MYOM2: variants seen among roughly 807,000 people sequenced by gnomAD.
MYOM2 encodes the protein myomesin 2, also known as myomesin-2.
MYOM2 carries 254 observed loss-of-function variants against 187.6 expected under a neutral mutation model. That is an observed-to-expected ratio of 1.35 (90% CI 1.22 to 1.50). MYOM2 has a LOEUF of 1.50. Ranked by LOEUF, MYOM2 falls within the 40% of genes most tolerant of loss-of-function variation. MYOM2 has a pLI of 0.00. For synonymous variants in MYOM2, 981 were observed against 753.8 expected (o/e 1.30, Z -4.94); for missense variants, 2,796 against 1,924.0 (o/e 1.45, Z -8.48).
At chr8:2,105,945 C>A (rs911434246) in intron 21 of MYOM2, among the ~76,000 whole-genome samples, 3 of 152,140 alleles carry the variant, frequency 2.0e-5, no homozygotes, top group Admixed American at 6.6e-5. Context: ...AGGAAACTTA[C>A]AGTCATGGCA....
chr8:2,097,701 G>C (rs1439689409), intron 18 of MYOM2, among the ~76,000 whole-genome samples: 1 of 152,130 alleles, frequency 6.6e-6, no homozygotes, highest in Admixed American at 6.5e-5. Context: ...TATTTCAGTA[G>C]AGACAGGGTT....
intron 20 of MYOM2, among the ~76,000 whole-genome samples, 186 bp downstream of exon 20, chr8:2,101,240 C>G (rs1035665772): frequency 6.6e-6 from 1 of 152,332 alleles, no homozygotes; most frequent in African/African-American, 2.4e-5. Flanking sequence ...GTAATCCCAG[C>G]TACTCGGGAA....
intron 28 of MYOM2, among the ~76,000 whole-genome samples, chr8:2,120,675 T>TATATATATATATATA (rs1220891042): frequency 1.4e-4 from 6 of 41,422 alleles, no homozygotes; most frequent in Admixed American, 8.8e-4. Flanking sequence ...TATATATATA[T>TATATATATATATATA]TATATTATAT....
In MYOM2 at chr8:2,117,952, G is replaced by A. The variant is rs757696354; in HGVS notation, c.3453G>A (p.Lys1151=). Residue 1151 remains lysine (K), a splice_region_variant and synonymous_variant, in exon 28 of 37, where the codon AAG becomes AAA. Transcript: ENST00000262113. Reference sequence around the variant, plus strand: ...AATGTGAAGTTCGACTTGTTTGCAAGGTGAGAAACCCGGTTCTAACAGGAA... The same window carrying A: ...AATGTGAAGTTCGACTTGTTTGCAAAGTGAGAAACCCGGTTCTAACAGGAA... ...TEECEVRLVC[K]VANTKKETVF... 8.1e-6 allele frequency: 13 copies of A among 1,612,020 alleles called. 1 individual carries two copies. The South Asian group carries it at 1.3e-4, about 16-fold the overall frequency.
intron 36 of MYOM2, among the ~76,000 whole-genome samples, chr8:2,144,155 G>C (rs1798374332): frequency 6.6e-6 from 1 of 152,204 alleles, no homozygotes; most frequent in African/African-American, 2.4e-5. Context: ...GGATGTAATT[G>C]AGAAATTAGC....
chr8:2,064,559 G>T (rs555082394), intron 6 of MYOM2, among the ~76,000 whole-genome samples: 1 of 152,304 alleles, frequency 6.6e-6, no homozygotes, highest in Non-Finnish European at 1.5e-5. Context: ...GAGGCCAAGC[G>T]GATGGAGGGC....
intron 6 of MYOM2, among the ~76,000 whole-genome samples, chr8:2,064,263 G>A (rs35615700): frequency 0.29 from 44,604 of 152,126 alleles, 7,675 homozygotes; most frequent in East Asian, 0.63. Flanking sequence ...AGGTCTTTGC[G>A]TTTGTTTATA....
In MYOM2 at chr8:2,131,789, G is replaced by A. The variant is rs915153637; in HGVS notation, c.3800+2557G>A. Among the ~76,000 whole-genome samples the A allele has an allele frequency of 4.6e-4, 69 of 151,546 alleles. 5 individuals are homozygous for A. Among genetic ancestry groups the A allele is most frequent in the African/African-American group, 2.4e-5 (1 of 41,208 alleles). ...CTCCCAAGTAGCTGGGACTACAGGC[G>A]CCCACCACCACGCCTGGCTAATTTT... On this transcript the variant is annotated intron_variant, in intron 32 of 36. Coordinates refer to ENST00000262113, the MANE Select transcript of MYOM2 (RefSeq NM_003970.4).
At chr8:2,100,117 CTTCCTTCCTTCT>C (rs1256935848) in intron 19 of MYOM2, among the ~76,000 whole-genome samples, 4,702 of 89,438 alleles carry the variant, frequency 0.053, 160 homozygotes, top group South Asian at 0.081. Flanking sequence ...TCTTTCTTTC[CTTCCTTCCTTCT>C]TTCCTTCCTT....
At chr8:2,100,137 C>CTTCTTTCT (rs1249697353) in intron 19 of MYOM2, among the ~76,000 whole-genome samples, 2 of 112,188 alleles carry the variant, frequency 1.8e-5, no homozygotes, top group African/African-American at 7.5e-5. Context: ...TCTTTCCTTC[C>CTTCTTTCT]TTCCTTCCTT....
intron 28 of MYOM2, among the ~76,000 whole-genome samples, chr8:2,120,657 T>A (rs138831781): frequency 0.028 from 1,419 of 49,978 alleles, 77 homozygotes; most frequent in African/African-American, 0.1. Flanking sequence ...TTTGATTTCC[T>A]GTATATATAT....
intron 19 of MYOM2, among the ~76,000 whole-genome samples, chr8:2,100,137 C>CTTCCTTTCCTTCCTTCCTTCCTTCT (rs1796651757): frequency 8.9e-6 from 1 of 112,188 alleles, no homozygotes; most frequent in Non-Finnish European, 1.8e-5. Flanking sequence ...TCTTTCCTTC[C>CTTCCTTTCCTTCCTTCCTTCCTTCT]TTCCTTCCTT....
intron 1 of MYOM2, among the ~76,000 whole-genome samples, chr8:2,047,739 G>A (rs976587354): frequency 6.6e-6 from 1 of 152,180 alleles, no homozygotes; most frequent in Non-Finnish European, 1.5e-5. Flanking sequence ...ACTTCCCGGG[G>A]AGACTTCCAC....
Position 2,144,765 on chromosome 8 carries a change from G to A in MYOM2, c.4182G>A (p.Lys1394=). 1 of 1,614,216 alleles carries A rather than the reference G, an allele frequency of 6.2e-7. No homozygotes were observed. The change falls in exon 37 of 37, where the codon AAG becomes AAA. Residue 1394 remains lysine (K), a synonymous_variant. Transcript: ENST00000262113. ...DIQLSEHFSV[K]VEQAKYVSMT... is the part of the protein sequence containing the mutation. ...AGCTCAGCGAGCACTTCTCGGTGAAGGTGGAGCAGGCCAAGTACGTCAGCA... is the reference window on the plus strand; with the variant it reads ...AGCTCAGCGAGCACTTCTCGGTGAAAGTGGAGCAGGCCAAGTACGTCAGCA...
chr8:2,067,840 G>T (rs191624703), intron 6 of MYOM2, among the ~76,000 whole-genome samples: 46 of 152,200 alleles, frequency 3.0e-4, no homozygotes, highest in Middle Eastern at 6.8e-3. Context: ...CCCTTGAGTG[G>T]GTGATTCATG....
intron 3 of MYOM2, among the ~76,000 whole-genome samples, chr8:2,054,965 GAACCAA>G (rs1414340681): frequency 7.1e-6 from 1 of 139,874 alleles, no homozygotes; most frequent in East Asian, 2.0e-4. Context: ...GATACTGGGG[GAACCAA>G]GTACCTGGAT....
At chr8:2,049,551 G>A (rs1177546400) in intron 1 of MYOM2, among the ~76,000 whole-genome samples, 2 of 152,158 alleles carry the variant, frequency 1.3e-5, no homozygotes, top group Non-Finnish European at 2.9e-5. Context: ...TTCCACCCAA[G>A]TCTCATACCC....
At chr8:2,118,749 A>G (rs1425873966) in intron 28 of MYOM2, 2 of 152,738 alleles carry the variant, frequency 1.3e-5, no homozygotes, top group Non-Finnish European at 2.9e-5. Flanking sequence ...GAGGCTGGCC[A>G]TGGACTGAGA....
At chr8:2,136,429 A>G (rs879494695) in intron 32 of MYOM2, among the ~76,000 whole-genome samples, 2 of 152,188 alleles carry the variant, frequency 1.3e-5, no homozygotes, top group Non-Finnish European at 2.9e-5. Context: ...TGTCCAGTGG[A>G]CACCATTCCT....
Sources: gnomAD v4.1 joint callset for allele counts (sites outside exome capture counted in the v4.1 genomes callset) on GRCh38, gnomAD v4.1.1 for gene constraint, MANE v1.5 for transcripts, NCBI Gene and HGNC (gene_info 2026-07-23, HGNC 2026-07-21) for gene names.